SPOCK3: variants seen among roughly 807,000 people sequenced by gnomAD.
SPOCK3 encodes the protein testican-3.
Under a neutral mutation model 56.6 loss-of-function variants are expected in SPOCK3, and 30 were observed. That is an observed-to-expected ratio of 0.53 (90% confidence interval 0.40 to 0.72). The LOEUF (loss-of-function observed/expected upper bound fraction) is 0.72. Ranked by LOEUF, SPOCK3 falls within the 30% of genes least tolerant of loss-of-function variation. SPOCK3 has a pLI of 0.00. For synonymous variants in SPOCK3, 196 were observed against 183.3 expected, an observed-to-expected ratio of 1.07 and a Z score of -0.56; for missense variants, 527 against 530.0, an observed-to-expected ratio of 0.99 and a Z score of 0.06.
intron 2 of SPOCK3, among the ~76,000 whole-genome samples, chr4:167,213,958 A>T (rs1354582542): frequency 6.6e-6 from 1 of 152,110 alleles, no homozygotes; most frequent in Non-Finnish European, 1.5e-5. Flanking sequence ...TGTCTTTTTT[A>T]TTATGATGAA....
intron 6 of SPOCK3, among the ~76,000 whole-genome samples, chr4:166,814,332 A>G (rs978573745): frequency 2.0e-5 from 3 of 152,214 alleles, no homozygotes; most frequent in Middle Eastern, 3.4e-3. Context: ...AAGGATGCCT[A>G]GATGGCTGAT....
intron 3 of SPOCK3, 41 bp downstream of exon 3, chr4:167,062,451 A>G: frequency 1.4e-6 from 2 of 1,436,104 alleles, no homozygotes; most frequent in Admixed American, 1.7e-5. Flanking sequence ...AATGATTATG[A>G]ACATGTAAAG....
chr4:167,120,082 C>T (rs994948307), intron 2 of SPOCK3, among the ~76,000 whole-genome samples: 2 of 152,000 alleles, frequency 1.3e-5, no homozygotes, highest in Non-Finnish European at 2.9e-5. Flanking sequence ...TGTACACATA[C>T]ATATCTTTGT....
chr4:166,955,995 G>T (rs1743418565), intron 4 of SPOCK3, among the ~76,000 whole-genome samples: 1 of 151,636 alleles, frequency 6.6e-6, no homozygotes, highest in South Asian at 2.1e-4. Flanking sequence ...TTTGTTCCTG[G>T]TACATTGTCA....
At chr4:167,119,707 T>C (rs753876793) in intron 2 of SPOCK3, 2 of 950,776 alleles carry the variant, frequency 2.1e-6, no homozygotes, top group Non-Finnish European at 3.2e-6. Context: ...TTTGAAGTAT[T>C]TAAATAGAGA....
At chr4:167,170,902 C>A (rs1274635867) in intron 2 of SPOCK3, among the ~76,000 whole-genome samples, 1 of 151,734 alleles carries the variant, frequency 6.6e-6, no homozygotes, top group East Asian at 1.9e-4. Context: ...TACAGTGGTC[C>A]CTGACTTACA....
chr4:166,965,322 C>T (rs1744595685), intron 4 of SPOCK3, among the ~76,000 whole-genome samples: 4 of 151,122 alleles, frequency 2.6e-5, no homozygotes, highest in Admixed American at 1.3e-4. Context: ...CTTTCCTTAC[C>T]CTCTCCTTTT....
Position 167,230,564 on chromosome 4 carries a change from A to T in SPOCK3, c.189+3421T>A, listed in dbSNP as rs1737074797. On this transcript the variant is annotated intron_variant, in intron 2 of 10. Coordinates refer to ENST00000357545, the MANE Select transcript of SPOCK3 (RefSeq NM_001040159.2). ...ATCTACTGAATATATACCACTGTTG[A>T]GGGAGTTCTTATTTTATTTTATTTC... Among the ~76,000 whole-genome samples the T allele has an allele frequency of 2.0e-5, 3 of 148,976 alleles. No homozygotes were observed. In the South Asian group the frequency reaches 6.3e-4, roughly 32 times the overall value.
chr4:166,908,526 GCACACACACACA>G (rs377518404), intron 5 of SPOCK3, among the ~76,000 whole-genome samples: 12 of 136,126 alleles, frequency 8.8e-5, no homozygotes, highest in South Asian at 2.4e-4. Context: ...TCAAAACCAT[GCACACACACACA>G]CACACACACA....
At chr4:166,810,668 C>A (rs1401580892) in intron 6 of SPOCK3, among the ~76,000 whole-genome samples, 1 of 151,876 alleles carries the variant, frequency 6.6e-6, no homozygotes, top group African/African-American at 2.4e-5. Flanking sequence ...GGTGATGTAT[C>A]ATACTTTCTT....
chr4:166,889,050 A>G, intron 6 of SPOCK3, 80 bp downstream of exon 6: 1 of 842,726 alleles, frequency 1.2e-6, no homozygotes, highest in Non-Finnish European at 2.0e-6. Context: ...TTCATTGTGT[A>G]TTTAATGACA....
chr4:167,020,520 G>A (rs1751065411), intron 3 of SPOCK3, among the ~76,000 whole-genome samples: 1 of 151,994 alleles, frequency 6.6e-6, no homozygotes, highest in East Asian at 1.9e-4. Context: ...TATGTAAAGG[G>A]CTTTTGGGTG....
chr4:167,084,577 A>C lies in SPOCK3; in HGVS notation c.190-22040T>G, dbSNP rs547409015. Among the ~76,000 whole-genome samples the C allele has an allele frequency of 3.3e-5, 5 of 152,080 alleles. No homozygotes were observed. The East Asian group carries it at 9.7e-4, about 29-fold the overall frequency. On this transcript the variant is annotated intron_variant, in intron 2 of 10. Transcript: ENST00000357545. ...TATGTGGAGTGTAGCCGAAAAGGTCATAGTGATGACTAGTACTGCCTTCGG... is the reference window on the plus strand; with the variant it reads ...TATGTGGAGTGTAGCCGAAAAGGTCCTAGTGATGACTAGTACTGCCTTCGG...
At chr4:166,951,923 G>T (rs963055789) in intron 4 of SPOCK3, among the ~76,000 whole-genome samples, 2 of 152,128 alleles carry the variant, frequency 1.3e-5, no homozygotes, top group African/African-American at 4.8e-5. Flanking sequence ...GGTATTGATG[G>T]GACATATCTC....
At chr4:166,784,041 C>A (rs1740472317) in intron 7 of SPOCK3, among the ~76,000 whole-genome samples, 1 of 151,782 alleles carries the variant, frequency 6.6e-6, no homozygotes, top group African/African-American at 2.4e-5. Flanking sequence ...TTGCTTAACA[C>A]CCTACATGGC....
At chr4:167,146,107 T>A (rs1181731565) in intron 2 of SPOCK3, among the ~76,000 whole-genome samples, 3 of 151,880 alleles carry the variant, frequency 2.0e-5, no homozygotes, top group Non-Finnish European at 4.4e-5. Flanking sequence ...AATAAAGGGA[T>A]GGAGGAATAT....
intron 2 of SPOCK3, among the ~76,000 whole-genome samples, chr4:167,070,076 C>CCCA (rs1756530921): frequency 6.6e-6 from 1 of 151,914 alleles, no homozygotes; most frequent in Admixed American, 6.6e-5. Context: ...TTATTTTTTC[C>CCCA]ACAAGCCAGT....
chr4:166,833,380 G>A (rs931129539), intron 6 of SPOCK3, among the ~76,000 whole-genome samples: 1 of 152,010 alleles, frequency 6.6e-6, no homozygotes, highest in African/African-American at 2.4e-5. Context: ...GTATTATTCA[G>A]GTCTTCTATA....
chr4:167,180,333 A>C (rs1329743715), intron 2 of SPOCK3, among the ~76,000 whole-genome samples: 1 of 152,148 alleles, frequency 6.6e-6, no homozygotes, highest in Non-Finnish European at 1.5e-5. Flanking sequence ...TGTACTTAGC[A>C]GCAGGAACAC....
Sources: allele counts gnomAD v4.1 joint callset (sites outside exome capture counted in the v4.1 genomes callset), GRCh38; gene constraint gnomAD v4.1.1; transcripts MANE v1.5; gene names NCBI Gene and HGNC (gene_info 2026-07-23, HGNC 2026-07-21).